The following STAT1 variants were observed in gnomAD, a reference collection of about 807,000 sequenced individuals.
STAT1 encodes signal transducer and activator of transcription 1.
STAT1 carries 24 observed loss-of-function variants against 111.7 expected under a neutral mutation model. That is an observed-to-expected ratio of 0.21 (90% CI 0.16 to 0.30). STAT1 has a LOEUF of 0.30. STAT1 is among the 10% of genes least tolerant of loss of function. The pLI, the probability that STAT1 is intolerant of heterozygous loss-of-function variation, is 1.00. For synonymous variants in STAT1, 332 were observed against 326.5 expected (o/e 1.02, Z -0.18); for missense variants, 351 against 911.9 (o/e 0.38, Z 7.92).
At chr2:190,992,556 A>T in intron 10 of STAT1, 1 of 386,136 alleles carries the variant, frequency 2.6e-6, no homozygotes, top group Non-Finnish European at 4.3e-6. Flanking sequence ...GCAGCTACAT[A>T]CAGTACAATT....
At chr2:190,972,506 C>T (rs1691569151) in intron 24 of STAT1, among the ~76,000 whole-genome samples, 1 of 152,150 alleles carries the variant, frequency 6.6e-6, no homozygotes, top group Admixed American at 6.5e-5. Context: ...CTGGTACCAC[C>T]CTCTTTCAGA....
chr2:191,001,107 G>C lies in STAT1; in HGVS notation c.429C>G (p.Asp143Glu), dbSNP rs780853224. 6.2e-6 allele frequency: 10 copies of C among 1,613,792 alleles called. No individual in the cohort carries two copies. The African/African-American group carries it at 9.3e-5, about 15-fold the overall frequency. ...TVMLDKQKELDSKVRNVKDKV... is the reference protein window; with the variant it reads ...TVMLDKQKELESKVRNVKDKV... ...TGTCCTTCACATTTCTGACTTTACT[G>C]TCAAGCTCTTTCTGTTTGTCTAACA... The change falls in exon 6 of 25, where the codon GAC becomes GAG. Residue 143 changes from aspartate to glutamate, a missense_variant. Transcript: ENST00000361099.
rs976825697 is a variant in STAT1 at position 190,978,729 on chromosome 2, T to G, written c.1873+127A>C. ...TTATTAAATCCTATCGGGGGCTCAT[T>G]TGGGGTAAGTATAAGATCTGCAATT... is the stretch of plus-strand genomic sequence containing the variant. On this transcript the variant is annotated intron_variant, in intron 21 of 24. Coordinates refer to ENST00000361099, the MANE Select transcript of STAT1 (RefSeq NM_007315.4). This position sits in a 1 kb window ranked among gnomAD's most constrained non-coding sequence, Gnocchi z 6.1. 4.8e-6 allele frequency: 6 copies of G among 1,238,712 alleles called. No homozygotes were observed. The highest frequency in any genetic ancestry group is 4.5e-5 in the African/African-American group (3 of 67,128). 76.7% of individuals were successfully genotyped at this position (1,238,712 alleles called of 1,614,324 possible).
chr2:191,002,780 G>GAT (rs1694372107), intron 5 of STAT1, among the ~76,000 whole-genome samples: 1 of 152,050 alleles, frequency 6.6e-6, no homozygotes, highest in South Asian at 2.1e-4. Context: ...CTAGAATGGA[G>GAT]ATATATATAT....
rs542723701 is a variant in STAT1 at position 190,985,347 on chromosome 2, A to C, written c.1263+272T>G. 2.0e-5 allele frequency among the ~76,000 whole-genome samples: 3 copies of C among 152,362 alleles called. No homozygotes were observed. In the South Asian group the frequency reaches 6.2e-4, roughly 32 times the overall value. On this transcript the variant is annotated intron_variant, in intron 15 of 24. Transcript: ENST00000361099. ...CTGTGAGTCAATTTCTTCACCCGTAAGATGCGAAGAATACAAAAGCCCACA... is the reference window on the plus strand; with the variant it reads ...CTGTGAGTCAATTTCTTCACCCGTACGATGCGAAGAATACAAAAGCCCACA...
rs1483062871 is a variant in STAT1 at position 190,999,329 on chromosome 2, A to ATCTCC, written c.541+296_541+297insGGAGA. Reference sequence around the variant, plus strand: ...ACTGACCCCTAGGGGACTTTTGGCAATCTCTGGAGACAGTTTTGGTTGTCA... The same window carrying ATCTCC: ...ACTGACCCCTAGGGGACTTTTGGCAATCTCCTCTCTGGAGACAGTTTTGGTTGTCA... On this transcript the variant is annotated intron_variant, in intron 7 of 24. Coordinates refer to ENST00000361099, the MANE Select transcript of STAT1 (RefSeq NM_007315.4). The surrounding 1 kb of genome is among the most constrained non-coding windows in gnomAD (Gnocchi z 4.1). 6.6e-6 allele frequency among the ~76,000 whole-genome samples: 1 copy of ATCTCC among 152,092 alleles called. No individual in the cohort carries two copies. Among genetic ancestry groups the ATCTCC allele is most frequent in the African/African-American group, 2.4e-5 (1 of 41,418 alleles).
In STAT1 at chr2:190,997,163, A is replaced by G. The variant is rs1693918893; in HGVS notation, c.785+693T>C. ...GTCTCCCACATGTGTGCCTTTGCAC[A>G]CGCTGTGCTCTGTGCTGGAAAGCAC... On this transcript the variant is annotated intron_variant, in intron 9 of 24. Transcript: ENST00000361099. This position sits in a 1 kb window ranked among gnomAD's most constrained non-coding sequence, Gnocchi z 7.3. 6.6e-6 allele frequency among the ~76,000 whole-genome samples: 1 copy of G among 152,222 alleles called. No homozygotes were observed. The highest frequency in any genetic ancestry group is 2.1e-4 in the South Asian group (1 of 4,836).
In STAT1 at chr2:191,001,065, A is replaced by G. The variant is rs1194609531; in HGVS notation, c.462+9T>C. The G allele has an allele frequency of 6.2e-7, 1 of 1,605,216 alleles. No individual in the cohort carries two copies. The highest frequency in any genetic ancestry group is 1.3e-5 in the African/African-American group (1 of 74,782). On this transcript the variant is annotated intron_variant, in intron 6 of 24. Transcript: ENST00000361099. ...TCAGAATAAATGCATGTGTTTACTC[A>G]ATACTCACCATAACCTTGTCCTTCA...
At position 190,984,503 on chromosome 2, in the gene STAT1, G is replaced by C; in HGVS notation, c.1264-110C>G. ...GCCACAGAGATCCTGGGCCCAATCA[G>C]TGGCAAGTCTGAAGACTCAATATTC... On this transcript the variant is annotated intron_variant, in intron 15 of 24. Transcript: ENST00000361099. This position sits in a 1 kb window ranked among gnomAD's most constrained non-coding sequence, Gnocchi z 5.2. The C allele has an allele frequency of 4.6e-6, 4 of 863,540 alleles. No individual in the cohort carries two copies. The highest frequency in any genetic ancestry group is 7.7e-6 in the Non-Finnish European group (4 of 521,424). The allele number at this position is 863,540 out of a possible 1,614,324, so 53.5% of individuals were successfully genotyped here. A position where few individuals can be genotyped will look rare whatever the true frequency, so the allele number is the denominator to read the frequency against.
intron 2 of STAT1, 45 bp from the exon 3 acceptor site, chr2:191,010,049 C>A: frequency 6.2e-7 from 1 of 1,607,800 alleles, no homozygotes. Flanking sequence ...ATATGGAAAC[C>A]ATAGCTCCAA....
At position 190,979,122 on chromosome 2, in the gene STAT1, T is replaced by C. The variant is rs1421097177; in HGVS notation, c.1728-121A>G. 9 of 1,281,632 alleles carry C rather than the reference T, an allele frequency of 7.0e-6. No individual in the cohort carries two copies. Among genetic ancestry groups the C allele is most frequent in the South Asian group, 6.4e-5 (5 of 78,552 alleles). 79.4% of individuals were successfully genotyped at this position (1,281,632 alleles called of 1,614,324 possible). ...GAAAAAAAACCTACGGTAAAAAACGTAGACTATTTTAAAATCTGTTCAGTT... is the reference window on the plus strand; with the variant it reads ...GAAAAAAAACCTACGGTAAAAAACGCAGACTATTTTAAAATCTGTTCAGTT... On this transcript the variant is annotated intron_variant, in intron 20 of 24. Transcript: ENST00000361099. The surrounding 1 kb of genome is among the most constrained non-coding windows in gnomAD (Gnocchi z 5.8).
chr2:191,009,178 T>C lies in STAT1; in HGVS notation c.129-71A>G, dbSNP rs41402551. 3.4e-4 allele frequency: 518 copies of C among 1,538,566 alleles called. 5 individuals are homozygous for C. The African/African-American group carries it at 6.1e-3, about 18-fold the overall frequency. On this transcript the variant is annotated intron_variant, in intron 3 of 24. Transcript: ENST00000361099. ...TATGTAAAACAGACAAAACAAATGTTGGTTTCCTTATTGAAATTATTAAAA... is the reference window on the plus strand; with the variant it reads ...TATGTAAAACAGACAAAACAAATGTCGGTTTCCTTATTGAAATTATTAAAA...
At chr2:191,005,165 G>C (rs1046731618) in intron 5 of STAT1, among the ~76,000 whole-genome samples, 1 of 152,140 alleles carries the variant, frequency 6.6e-6, no homozygotes, top group Non-Finnish European at 1.5e-5. Context: ...TTTTTAACTT[G>C]TTGAATCTGT....
In STAT1 at chr2:191,006,812, C is replaced by G. The variant is rs577347516; in HGVS notation, c.372+751G>C. Among the ~76,000 whole-genome samples, 1 of 152,220 alleles carries G rather than the reference C, an allele frequency of 6.6e-6. No homozygotes were observed. The highest frequency in any genetic ancestry group is 1.5e-5 in the Non-Finnish European group (1 of 68,034). ...AAAACAATGATCAAAAATCTTGATA[C>G]TAGTACAACTCTGACTCATTTACTG... is the stretch of plus-strand genomic sequence containing the variant. On this transcript the variant is annotated intron_variant, in intron 5 of 24. Coordinates refer to ENST00000361099, the MANE Select transcript of STAT1 (RefSeq NM_007315.4). This position sits in a 1 kb window ranked among gnomAD's most constrained non-coding sequence, Gnocchi z 4.6.
In STAT1 at chr2:191,007,511, T is replaced by C. The variant is rs1321239172; in HGVS notation, c.372+52A>G. 7.4e-7 allele frequency: 1 copy of C among 1,347,612 alleles called. No individual in the cohort carries two copies. The highest frequency in any genetic ancestry group is 1.1e-6 in the Non-Finnish European group (1 of 940,648). 83.5% of individuals were successfully genotyped at this position (1,347,612 alleles called of 1,614,324 possible). ...ATGGGCCCTAATAGTATTTGATGAA[T>C]GAATACATTTTTATTTTATTACAGT... is the stretch of plus-strand genomic sequence containing the variant. On this transcript the variant is annotated intron_variant, in intron 5 of 24. Transcript: ENST00000361099. The surrounding 1 kb of genome is among the most constrained non-coding windows in gnomAD (Gnocchi z 4.2).
rs887433998 is a variant in STAT1 at position 190,973,891 on chromosome 2, T to G, written c.2238+939A>C. On this transcript the variant is annotated intron_variant, in intron 24 of 24. Transcript: ENST00000361099. The surrounding 1 kb of genome is among the most constrained non-coding windows in gnomAD (Gnocchi z 4.4). Reference sequence around the variant, plus strand: ...AATCCAGGCAGATCTTACTGAGGCCTTATCATCGCATTCCCCAAATGTCTG... The same window carrying G: ...AATCCAGGCAGATCTTACTGAGGCCGTATCATCGCATTCCCCAAATGTCTG... Among the ~76,000 whole-genome samples, 11 of 152,168 alleles carry G rather than the reference T, an allele frequency of 7.2e-5. No individual in the cohort carries two copies. Among genetic ancestry groups the G allele is most frequent in the African/African-American group, 2.7e-4 (11 of 41,426 alleles).
Position 190,983,826 on chromosome 2 carries a change from G to C in STAT1, c.1348-86C>G. The stretch of plus-strand genomic sequence containing the variant: ...TGCTTAGCCTCAACTAAAAGCAGGG[G>C]ATTATTTGTAAATTTGTACATATTT... On this transcript the variant is annotated intron_variant, in intron 16 of 24. Coordinates refer to ENST00000361099, the MANE Select transcript of STAT1 (RefSeq NM_007315.4). The surrounding 1 kb of genome is among the most constrained non-coding windows in gnomAD (Gnocchi z 5.7). The C allele has an allele frequency of 8.9e-7, 1 of 1,124,610 alleles. No individual in the cohort carries two copies. Among genetic ancestry groups the C allele is most frequent in the Non-Finnish European group, 1.4e-6 (1 of 740,008 alleles). 69.7% of individuals were successfully genotyped at this position (1,124,610 alleles called of 1,614,324 possible). A position where few individuals can be genotyped will look rare whatever the true frequency, so the allele number is the denominator to read the frequency against.
In STAT1 at chr2:190,983,438, A is replaced by C. The variant is rs1312020262; in HGVS notation, c.1446+204T>G. Among the ~76,000 whole-genome samples, 1 of 152,224 alleles carries C rather than the reference A, an allele frequency of 6.6e-6. No individual in the cohort carries two copies. Among genetic ancestry groups the C allele is most frequent in the Non-Finnish European group, 1.5e-5 (1 of 68,038 alleles). On this transcript the variant is annotated intron_variant, in intron 17 of 24. Coordinates refer to ENST00000361099, the MANE Select transcript of STAT1 (RefSeq NM_007315.4). This position sits in a 1 kb window ranked among gnomAD's most constrained non-coding sequence, Gnocchi z 5.7. ...AATCACTGACTGCCCTAGCTTACCC[A>C]CATGGGAGAAAAAACGTAATTCTCA...
chr2:190,970,460 G>A lies in STAT1; in HGVS notation c.*243C>T. On this transcript the variant is annotated 3_prime_UTR_variant, in exon 25 of 25. Coordinates refer to ENST00000361099, the MANE Select transcript of STAT1 (RefSeq NM_007315.4). This position sits in a 1 kb window ranked among gnomAD's most constrained non-coding sequence, Gnocchi z 5.4. Reference sequence around the variant, plus strand: ...GGGTGTATCTGGATGTTTTTCACTTGTGAAACCCACTCTTCAGAGAATGCC... The same window carrying A: ...GGGTGTATCTGGATGTTTTTCACTTATGAAACCCACTCTTCAGAGAATGCC... The A allele has an allele frequency of 1.7e-6, 1 of 572,584 alleles. No homozygotes were observed. The highest frequency in any genetic ancestry group is 2.0e-5 in the South Asian group (1 of 50,854). The allele number at this position is 572,584 out of a possible 1,614,324, so 35.5% of individuals were successfully genotyped here. A position where few individuals can be genotyped will look rare whatever the true frequency, so the allele number is the denominator to read the frequency against.
Sources: allele counts gnomAD v4.1 joint callset (sites outside exome capture counted in the v4.1 genomes callset), GRCh38; gene constraint gnomAD v4.1.1; non-coding constraint Gnocchi (gnomAD v3.1); transcripts MANE v1.5; gene names NCBI Gene and HGNC (gene_info 2026-07-23, HGNC 2026-07-21).